Variants in RGS22 observed in about 807,000 individuals in gnomAD.
RGS22 encodes regulator of G-protein signaling 22.
RGS22 carries 148 observed loss-of-function variants against 172.9 expected under a neutral mutation model. The ratio of observed to expected loss-of-function variants is 0.86; its 90% CI spans 0.75 to 0.98. The LOEUF is 0.98. Among genes scored for constraint, RGS22 ranks in the 50% least tolerant of loss-of-function variants. RGS22 has a pLI of 0.00. For missense variants in RGS22, 1,347 were observed against 1,440.8 expected (o/e 0.93, Z 1.05); for synonymous variants, 458 against 480.2 (o/e 0.95, Z 0.60).
chr8:100,035,065 A>G (rs1047396084), intron 14 of RGS22, among the ~76,000 whole-genome samples: 2 of 152,238 alleles, frequency 1.3e-5, no homozygotes, highest in South Asian at 2.1e-4. Flanking sequence ...TTCATGTCTA[A>G]AACACCAAAA....
chr8:100,074,673 G>A (rs1811212110), intron 4 of RGS22, among the ~76,000 whole-genome samples: 2 of 152,122 alleles, frequency 1.3e-5, no homozygotes, highest in Non-Finnish European at 2.9e-5. Flanking sequence ...CCCAGTTAAA[G>A]GAATCTGGAT....
chr8:100,054,459 G>C (rs2131718231), intron 9 of RGS22: 1 of 154,210 alleles, frequency 6.5e-6, no homozygotes, highest in South Asian at 2.0e-4. Context: ...TGAGCATAGT[G>C]GCATGTTCCT....
intron 3 of RGS22, among the ~76,000 whole-genome samples, chr8:100,082,712 C>A (rs1811853585): frequency 6.6e-6 from 1 of 152,206 alleles, no homozygotes; most frequent in Non-Finnish European, 1.5e-5. Context: ...CTTTAATACA[C>A]TGCCTCACGT....
At chr8:100,070,810 T>A (rs1053827271) in intron 6 of RGS22, among the ~76,000 whole-genome samples, 2 of 151,800 alleles carry the variant, frequency 1.3e-5, no homozygotes, top group African/African-American at 2.4e-5. Flanking sequence ...AATGAGAAGT[T>A]CTGGCCAGGT....
intron 23 of RGS22, among the ~76,000 whole-genome samples, chr8:99,969,012 G>A (rs1338491897): frequency 6.6e-6 from 1 of 152,148 alleles, no homozygotes; most frequent in Admixed American, 6.5e-5. Context: ...CCTATAAAGG[G>A]AAGACCATCA....
chr8:100,014,128 T>A (rs942164149), intron 14 of RGS22, among the ~76,000 whole-genome samples: 33 of 152,188 alleles, frequency 2.2e-4, no homozygotes, highest in African/African-American at 8.0e-4. Flanking sequence ...TCAACTTTCC[T>A]CTCAAGAGCT....
Position 99,978,092 on chromosome 8 carries a change from C to A in RGS22, c.3361-17G>T. 1 of 1,457,300 alleles carries A rather than the reference C, an allele frequency of 6.9e-7. No homozygotes were observed. The highest frequency in any genetic ancestry group is 9.1e-7 in the Non-Finnish European group (1 of 1,096,170). 90.3% of individuals were successfully genotyped at this position (1,457,300 alleles called of 1,614,324 possible). ...AATTGTCATCTGTATAAAAAAAAGT[C>A]TAAGATTACAATTTTATACAAAGGT... On this transcript the variant is annotated splice_polypyrimidine_tract_variant and intron_variant, in intron 22 of 27. Transcript: ENST00000360863.
chr8:100,027,142 G>T (rs1818266838), intron 14 of RGS22, among the ~76,000 whole-genome samples: 2 of 152,056 alleles, frequency 1.3e-5, no homozygotes, highest in Admixed American at 1.3e-4. Context: ...GAGGTGGTAG[G>T]ATCACTTTGA....
intron 3 of RGS22, among the ~76,000 whole-genome samples, chr8:100,089,211 A>ACACACACACACAC (rs1554638503): frequency 6.9e-6 from 1 of 144,538 alleles, no homozygotes; most frequent in African/African-American, 2.5e-5. Flanking sequence ...CACACACACA[A>ACACACACACACAC]ACACACACAC....
intron 11 of RGS22, among the ~76,000 whole-genome samples, chr8:100,042,546 G>T (rs1820250594): frequency 1.3e-5 from 2 of 152,186 alleles, no homozygotes; most frequent in South Asian, 4.1e-4. Flanking sequence ...GGAAGACTTT[G>T]GAGTTAGACT....
Position 99,977,860 on chromosome 8 carries a change from A to G in RGS22, c.3519+57T>C, listed in dbSNP as rs1812143046. 4.4e-6 allele frequency: 6 copies of G among 1,368,318 alleles called. No homozygotes were observed. The African/African-American group carries it at 6.1e-5, about 14-fold the overall frequency. 84.8% of individuals were successfully genotyped at this position (1,368,318 alleles called of 1,614,324 possible). On this transcript the variant is annotated intron_variant, in intron 23 of 27. Transcript: ENST00000360863. ...CCCAGACAAAATTATTCTATAATTC[A>G]CACATATCACATAACTTTTAAAAGT...
At chr8:99,999,500 A>T in intron 18 of RGS22, 80 bp from the exon 19 acceptor site, 1 of 1,496,288 alleles carries the variant, frequency 6.7e-7, no homozygotes, top group Non-Finnish European at 9.1e-7. Context: ...TTCATTCACT[A>T]CAAAACCATT....
intron 2 of RGS22, among the ~76,000 whole-genome samples, chr8:100,098,839 TTTTTTA>T (rs56126787): frequency 0.13 from 3,917 of 29,956 alleles, 384 homozygotes; most frequent in African/African-American, 0.4. Context: ...CCCCTTTTAT[TTTTTTA>T]TTTATTTTAT....
At chr8:100,088,183 A>G (rs1812300792) in intron 3 of RGS22, among the ~76,000 whole-genome samples, 1 of 152,144 alleles carries the variant, frequency 6.6e-6, no homozygotes, top group South Asian at 2.1e-4. Flanking sequence ...ACGGATTGTA[A>G]AAAGTGTGGA....
At chr8:100,052,176 T>A (rs1821697510) in intron 10 of RGS22, among the ~76,000 whole-genome samples, 1 of 129,144 alleles carries the variant, frequency 7.7e-6, no homozygotes, top group African/African-American at 2.9e-5. Context: ...TAAACATATA[T>A]AAATATATAA....
At position 100,070,696 on chromosome 8, in the gene RGS22, G is replaced by A. The variant is rs974168671; in HGVS notation, c.594+673C>T. Reference sequence around the variant, plus strand: ...ATATGTAGTTATGCCAAAAAAAAGAGAGCAGAGCAAATTAGTTAGCATAAA... The same window carrying A: ...ATATGTAGTTATGCCAAAAAAAAGAAAGCAGAGCAAATTAGTTAGCATAAA... On this transcript the variant is annotated intron_variant, in intron 6 of 27. Coordinates refer to ENST00000360863, the MANE Select transcript of RGS22 (RefSeq NM_015668.5). Among the ~76,000 whole-genome samples the A allele has an allele frequency of 3.9e-5, 6 of 152,196 alleles. 1 individual carries two copies. Among genetic ancestry groups the A allele is most frequent in the Admixed American group, 1.3e-4 (2 of 15,282 alleles).
chr8:100,017,143 A>G (rs535793506), intron 14 of RGS22, among the ~76,000 whole-genome samples: 1 of 151,652 alleles, frequency 6.6e-6, no homozygotes, highest in East Asian at 1.9e-4. Flanking sequence ...ACTAATTTTT[A>G]AAAAATATTT....
chr8:100,052,081 A>T (rs1189254906), intron 10 of RGS22, among the ~76,000 whole-genome samples: 1 of 95,730 alleles, frequency 1.0e-5, no homozygotes, highest in Non-Finnish European at 1.9e-5. Context: ...ATAAATGTTT[A>T]TATATATTTA....
intron 14 of RGS22, among the ~76,000 whole-genome samples, chr8:100,037,993 T>C (rs906582841): frequency 2.0e-5 from 3 of 152,150 alleles, no homozygotes; most frequent in African/African-American, 7.2e-5. Context: ...GTGGGGGAAG[T>C]AACAGTGAAC....
Sources: allele counts gnomAD v4.1 joint callset (sites outside exome capture counted in the v4.1 genomes callset), GRCh38; gene constraint gnomAD v4.1.1; transcripts MANE v1.5; gene names NCBI Gene and HGNC (gene_info 2026-07-23, HGNC 2026-07-21).